The following PUDP variants were observed in gnomAD, a reference collection of about 807,000 sequenced individuals.
PUDP encodes the protein pseudouridine 5'-phosphatase, also known as pseudouridine-5'-phosphatase.
A neutral mutation model predicts 9.4 loss-of-function variants in PUDP; 8 were observed. The observed-to-expected ratio is 0.85, with a 90% CI of 0.50 to 1.53. The LOEUF is 1.53. Among genes scored for constraint, PUDP ranks in the 40% most tolerant of loss-of-function variants. The pLI, the probability that PUDP is intolerant of heterozygous loss-of-function variation, is 0.00. For missense variants in PUDP, 188 were observed against 189.7 expected (o/e 0.99, Z 0.05); for synonymous variants, 99 against 80.7 (o/e 1.23, Z -1.22).
intron 1 of PUDP, among the ~76,000 whole-genome samples, chrX:7,020,331 C>T (rs891846134): frequency 0.037 from 6 of 162 alleles, no homozygotes; most frequent in African/African-American, 0.13. Context: ...CTCAACTATT[C>T]AGGTTGGCTG....
At chrX:7,122,675 G>A (rs1323453554) in intron 1 of PUDP, among the ~76,000 whole-genome samples, 1 of 111,926 alleles carries the variant, frequency 8.9e-6, no homozygotes, top group African/African-American at 3.2e-5. Context: ...ATTGCTCTGA[G>A]TGTTAGGGAT....
intron 1 of PUDP, among the ~76,000 whole-genome samples, chrX:7,113,888 A>G (rs1288784309): frequency 1.8e-5 from 2 of 111,444 alleles, no homozygotes; most frequent in South Asian, 3.9e-4. Context: ...AAAACGTGGT[A>G]ATGTATGAAG....
At chrX:7,014,332 C>T (rs1215506379) in intron 1 of PUDP, among the ~76,000 whole-genome samples, 6 of 110,263 alleles carry the variant, frequency 5.4e-5, no homozygotes, top group Non-Finnish European at 9.5e-5. Context: ...GGGGAACTGC[C>T]TTCTTTACCC....
At chrX:7,027,516 A>AAT (rs1197941758) in intron 1 of PUDP, among the ~76,000 whole-genome samples, 5 of 104,291 alleles carry the variant, frequency 4.8e-5, no homozygotes, top group African/African-American at 1.1e-4. Flanking sequence ...ATATAGAGAG[A>AAT]ATATATATAT....
intron 1 of PUDP, among the ~76,000 whole-genome samples, chrX:7,038,126 T>TAC (rs1019522552): frequency 2.7e-5 from 3 of 111,985 alleles, no homozygotes; most frequent in African/African-American, 9.7e-5. Flanking sequence ...GATGCAGATA[T>TAC]ATATATATCC....
chrX:6,751,245 C>G (rs1244937084), intron 3 of PUDP, among the ~76,000 whole-genome samples: 1 of 110,857 alleles, frequency 9.0e-6, no homozygotes, highest in Non-Finnish European at 1.9e-5. Context: ...CAATTGTGAC[C>G]TCAAAAAGAA....
At chrX:7,084,686 A>G (rs1378072707) in intron 2 of PUDP, 1 of 111,584 alleles carries the variant, frequency 9.0e-6, no homozygotes, top group Non-Finnish European at 1.9e-5. Context: ...AATTAAGGCA[A>G]AGGTCATTAA....
intron 2 of PUDP, among the ~76,000 whole-genome samples, chrX:7,088,934 TCTC>T (rs1315390991): frequency 1.8e-5 from 2 of 112,144 alleles, no homozygotes; most frequent in African/African-American, 6.5e-5. Context: ...CTTGCTTCTC[TCTC>T]CTTTTAGAAA....
intron 1 of PUDP, among the ~76,000 whole-genome samples, chrX:7,144,806 G>A (rs1489328319): frequency 5.4e-5 from 6 of 111,700 alleles, no homozygotes; most frequent in Admixed American, 9.5e-5. Flanking sequence ...ATTATTTTAC[G>A]ATATTTAAGA....
chrX:7,078,703 G>C (rs183932540), intron 2 of PUDP, among the ~76,000 whole-genome samples: 1 of 111,696 alleles, frequency 9.0e-6, no homozygotes, highest in South Asian at 3.7e-4. Context: ...CATTTTTTCC[G>C]AACACCTACA....
intron 2 of PUDP, among the ~76,000 whole-genome samples, chrX:7,088,783 T>TA (rs1294721486): frequency 8.9e-6 from 1 of 112,035 alleles, no homozygotes. Context: ...AGAGAATTAT[T>TA]AGACTAGTAC....
intron 2 of PUDP, among the ~76,000 whole-genome samples, chrX:6,977,789 G>A (rs756696065): frequency 3.6e-5 from 4 of 112,549 alleles, no homozygotes; most frequent in South Asian, 3.7e-4. Context: ...AGGAAGCTCC[G>A]CCATGGCAGA....
At chrX:7,027,148 G>A (rs1230475169) in intron 1 of PUDP, among the ~76,000 whole-genome samples, 1 of 111,133 alleles carries the variant, frequency 9.0e-6, no homozygotes, top group Non-Finnish European at 1.9e-5. Flanking sequence ...CTTGCACAGC[G>A]TCTCATGCCA....
intron 1 of PUDP, among the ~76,000 whole-genome samples, chrX:7,024,468 T>C (rs1312390610): frequency 1.8e-5 from 2 of 111,505 alleles, no homozygotes; most frequent in Non-Finnish European, 3.8e-5. Flanking sequence ...TTTTTGTTTT[T>C]TCGTCTTTTT....
chrX:6,745,660 G>T (rs1360087027), intron 3 of PUDP, among the ~76,000 whole-genome samples: 1 of 110,954 alleles, frequency 9.0e-6, no homozygotes, highest in East Asian at 2.8e-4. Flanking sequence ...TGTTTTTGTA[G>T]AGAGATGGGG....
chrX:6,734,089 G>A (rs1924845864), intron 3 of PUDP, among the ~76,000 whole-genome samples: 1 of 111,086 alleles, frequency 9.0e-6, no homozygotes, highest in African/African-American at 3.3e-5. Context: ...AGCAAAGATC[G>A]TTTCTGGGAC....
intron 1 of PUDP, among the ~76,000 whole-genome samples, chrX:7,133,404 A>G (rs767969262): frequency 8.9e-6 from 1 of 112,242 alleles, no homozygotes; most frequent in African/African-American, 3.2e-5. Context: ...GGAGGAAAAG[A>G]AAGCTATGGG....
intron 1 of PUDP, among the ~76,000 whole-genome samples, chrX:7,036,674 A>G (rs1331815379): frequency 9.0e-6 from 1 of 110,989 alleles, no homozygotes; most frequent in Admixed American, 9.6e-5. Context: ...TGCTTCTATC[A>G]TGACCTTTGA....
At chrX:7,081,123 C>G (rs750171396) in intron 2 of PUDP, among the ~76,000 whole-genome samples, 3 of 111,492 alleles carry the variant, frequency 2.7e-5, no homozygotes, top group South Asian at 7.5e-4. Flanking sequence ...TCTTAAAGTA[C>G]TTTGGTGCTA....
Sources: allele counts gnomAD v4.1 joint callset (sites outside exome capture counted in the v4.1 genomes callset), GRCh38; gene constraint gnomAD v4.1.1; transcripts MANE v1.5; gene names NCBI Gene and HGNC (gene_info 2026-07-23, HGNC 2026-07-21).